Variants in SV2B observed in about 807,000 individuals in gnomAD.
SV2B encodes the protein solute carrier family 22 member B2.
Under a neutral mutation model 73.9 loss-of-function variants are expected in SV2B, and 41 were observed. The ratio of observed to expected loss-of-function variants is 0.56; its 90% CI spans 0.43 to 0.72. SV2B has a LOEUF of 0.72. Among genes scored for constraint, SV2B ranks in the 30% least tolerant of loss-of-function variants. The pLI, the probability that SV2B is intolerant of heterozygous loss-of-function variation, is 0.00. For synonymous variants in SV2B, 314 were observed against 314.2 expected (o/e 1.00, Z 0.01); for missense variants, 764 against 857.8 (o/e 0.89, Z 1.37).
rs1287790827 is a variant in SV2B at position 91,220,618 on chromosome 15, G to A, written c.-391-5255G>A. The stretch of plus-strand genomic sequence containing the variant: ...ATTTTGAGTCATATAGCATAGATGC[G>A]GAGGCTAATAGAATGTAAAAGTTAA... On this transcript the variant is annotated intron_variant, in intron 1 of 12. Coordinates refer to ENST00000394232, the MANE Select transcript of SV2B (RefSeq NM_001323032.3). This position sits in a 1 kb window ranked among gnomAD's most constrained non-coding sequence, Gnocchi z 4.1. 6.6e-6 allele frequency among the ~76,000 whole-genome samples: 1 copy of A among 152,194 alleles called. No homozygotes were observed. Among genetic ancestry groups the A allele is most frequent in the Non-Finnish European group, 1.5e-5 (1 of 68,032 alleles).
intron 1 of SV2B, among the ~76,000 whole-genome samples, chr15:91,213,107 C>G (rs1320785497): frequency 6.6e-6 from 1 of 151,902 alleles, no homozygotes; most frequent in Admixed American, 6.6e-5. Flanking sequence ...GAACTGAGAT[C>G]GTGCCACTGC....
rs1006169256 is a variant in SV2B at position 91,129,065 on chromosome 15, G to T, written c.-392+28702G>T. 6.6e-6 allele frequency among the ~76,000 whole-genome samples: 1 copy of T among 152,202 alleles called. No individual in the cohort carries two copies. Among genetic ancestry groups the T allele is most frequent in the African/African-American group, 2.4e-5 (1 of 41,448 alleles). ...ACTTCAGAGGGCCAGGGAGCCCTTG[G>T]CCCCTACATGGCCACATGTAAGTCT... On this transcript the variant is annotated intron_variant, in intron 1 of 12. Coordinates refer to ENST00000394232, the MANE Select transcript of SV2B (RefSeq NM_001323032.3). The surrounding 1 kb of genome is among the most constrained non-coding windows in gnomAD (Gnocchi z 5.1).
chr15:91,221,693 G>GCGCGCGCGCGCACACACACACA lies in SV2B; in HGVS notation c.-391-4179_-391-4178insGCGCGCGCGCACACACACACAC, dbSNP rs370290337. The stretch of plus-strand genomic sequence containing the variant: ...CTGTGGACTATTACCAAGCATGTGC[G>GCGCGCGCGCGCACACACACACA]CACACACACACACACACACACACAC... On this transcript the variant is annotated intron_variant, in intron 1 of 12. Coordinates refer to ENST00000394232, the MANE Select transcript of SV2B (RefSeq NM_001323032.3). Among the ~76,000 whole-genome samples the GCGCGCGCGCGCACACACACACA allele has an allele frequency of 3.7e-3, 523 of 140,152 alleles. 4 individuals carry two copies. Among genetic ancestry groups the GCGCGCGCGCGCACACACACACA allele is most frequent in the African/African-American group, 0.014 (494 of 35,810 alleles). The allele number at this position is 140,152 out of a possible 152,430, so 91.9% of individuals were successfully genotyped here.
At chr15:91,228,269 A>G (rs2046449543) in intron 2 of SV2B, among the ~76,000 whole-genome samples, 1 of 152,190 alleles carries the variant, frequency 6.6e-6, no homozygotes, top group Non-Finnish European at 1.5e-5. Flanking sequence ...GGGCTTGAGA[A>G]GCAAAGATAT....
chr15:91,127,037 A>T (rs1014692131), intron 1 of SV2B, among the ~76,000 whole-genome samples: 1 of 152,230 alleles, frequency 6.6e-6, no homozygotes, highest in African/African-American at 2.4e-5. Flanking sequence ...TGATAGCTCC[A>T]TCAATCACTA....
chr15:91,143,437 G>A (rs2043055538), intron 1 of SV2B, among the ~76,000 whole-genome samples: 1 of 152,068 alleles, frequency 6.6e-6, no homozygotes, highest in African/African-American at 2.4e-5. Context: ...TGCGGCGGCA[G>A]CATTTACCCT....
intron 1 of SV2B, among the ~76,000 whole-genome samples, chr15:91,176,057 A>G (rs2044295491): frequency 6.9e-6 from 1 of 144,738 alleles, no homozygotes. Flanking sequence ...ACCCCACAAC[A>G]GTCCCCAGAG....
intron 1 of SV2B, among the ~76,000 whole-genome samples, chr15:91,108,732 A>G (rs557057223): frequency 1.3e-5 from 2 of 152,318 alleles, no homozygotes; most frequent in East Asian, 3.9e-4. Flanking sequence ...ATCAAGAATC[A>G]TATACTCAGC....
In SV2B at chr15:91,118,591, G is replaced by C. The variant is rs1338618968; in HGVS notation, c.-392+18228G>C. 6.6e-6 allele frequency among the ~76,000 whole-genome samples: 1 copy of C among 152,184 alleles called. No individual in the cohort carries two copies. The highest frequency in any genetic ancestry group is 1.5e-5 in the Non-Finnish European group (1 of 68,026). On this transcript the variant is annotated intron_variant, in intron 1 of 12. Coordinates refer to ENST00000394232, the MANE Select transcript of SV2B (RefSeq NM_001323032.3). The surrounding 1 kb of genome is among the most constrained non-coding windows in gnomAD (Gnocchi z 4.7). ...GCCTGGAGAAGAGGCTGGGTGTGTG[G>C]ACAGCTGGAGGGTCTGAAGCGGGAC...
At position 91,262,283 on chromosome 15, in the gene SV2B, C is replaced by T. The variant is rs139470098; in HGVS notation, c.1008+1874C>T. Among the ~76,000 whole-genome samples, 42 of 152,158 alleles carry T rather than the reference C, an allele frequency of 2.8e-4. No individual in the cohort carries two copies. The East Asian group carries it at 5.8e-3, about 21-fold the overall frequency. ...CAAAAACAAAAACAAAAACAAAAAC[C>T]GGTGCCTGGCTTGGAGTAAGTGCTA... is the stretch of plus-strand genomic sequence containing the variant. On this transcript the variant is annotated intron_variant, in intron 6 of 12. Coordinates refer to ENST00000394232, the MANE Select transcript of SV2B (RefSeq NM_001323032.3).
Position 91,214,777 on chromosome 15 carries a change from C to G in SV2B, c.-391-11096C>G, listed in dbSNP as rs2045970154. On this transcript the variant is annotated intron_variant, in intron 1 of 12. Transcript: ENST00000394232. This position sits in a 1 kb window ranked among gnomAD's most constrained non-coding sequence, Gnocchi z 4.7. ...CTCACTTATTTAAGTGTTCCCCAAA[C>G]AGTTGTGGGGGGTGTGCTTGACTCC... Among the ~76,000 whole-genome samples, 1 of 152,210 alleles carries G rather than the reference C, an allele frequency of 6.6e-6. No homozygotes were observed. Among genetic ancestry groups the G allele is most frequent in the African/African-American group, 2.4e-5 (1 of 41,462 alleles).
At chr15:91,210,661 G>A (rs2141423112) in intron 1 of SV2B, among the ~76,000 whole-genome samples, 1 of 152,220 alleles carries the variant, frequency 6.6e-6, no homozygotes, top group African/African-American at 2.4e-5. Context: ...TATCCACAAA[G>A]TTTCTTGAGT....
chr15:91,194,107 G>C (rs553866731), intron 1 of SV2B, among the ~76,000 whole-genome samples: 1 of 152,072 alleles, frequency 6.6e-6, no homozygotes, highest in South Asian at 2.1e-4. Flanking sequence ...CATCAGCTGG[G>C]ATCAGTCAAG....
At chr15:91,238,536 A>G (rs1475611953) in intron 2 of SV2B, among the ~76,000 whole-genome samples, 1 of 152,230 alleles carries the variant, frequency 6.6e-6, no homozygotes, top group African/African-American at 2.4e-5. Context: ...AACAACTTCT[A>G]TGCAAAATGC....
chr15:91,228,044 C>G (rs921636906), intron 2 of SV2B, among the ~76,000 whole-genome samples: 1 of 152,142 alleles, frequency 6.6e-6, no homozygotes, highest in Non-Finnish European at 1.5e-5. Context: ...ATTTAGCCTG[C>G]GGGCTGCAGT....
At position 91,294,349 on chromosome 15, in the gene SV2B, A is replaced by G. The variant is rs2049147574; in HGVS notation, c.*1797A>G. The G allele has an allele frequency of 6.6e-6, 1 of 151,818 alleles. No homozygotes were observed. Among genetic ancestry groups the G allele is most frequent in the Admixed American group, 6.6e-5 (1 of 15,246 alleles). 9.4% of individuals were successfully genotyped at this position (151,818 alleles called of 1,614,324 possible). A position where few individuals can be genotyped will look rare whatever the true frequency, so the allele number is the denominator to read the frequency against. ...ATCAGTTTTAATGGTTAAAATGTTT[A>G]CTCTCCTTCTGTCAACCCTCACCTT... On this transcript the variant is annotated 3_prime_UTR_variant, in exon 13 of 13. Coordinates refer to ENST00000394232, the MANE Select transcript of SV2B (RefSeq NM_001323032.3). The surrounding 1 kb of genome is among the most constrained non-coding windows in gnomAD (Gnocchi z 4.1).
intron 1 of SV2B, among the ~76,000 whole-genome samples, chr15:91,171,886 C>A (rs2044134331): frequency 1.3e-5 from 2 of 152,142 alleles, no homozygotes; most frequent in African/African-American, 4.8e-5. Flanking sequence ...CATCTCCCAC[C>A]CCTCCTTTAT....
chr15:91,193,670 T>C (rs541573174), intron 1 of SV2B, among the ~76,000 whole-genome samples: 24 of 152,236 alleles, frequency 1.6e-4, no homozygotes, highest in Non-Finnish European at 3.4e-4. Context: ...CAAAGTTGTC[T>C]CATATTCTCA....
chr15:91,205,898 A>C (rs2045618793), intron 1 of SV2B, among the ~76,000 whole-genome samples: 1 of 152,216 alleles, frequency 6.6e-6, no homozygotes, highest in South Asian at 2.1e-4. Flanking sequence ...CTGGAGGAGA[A>C]AAACAGCTGT....
Sources: allele counts gnomAD v4.1 joint callset (sites outside exome capture counted in the v4.1 genomes callset), GRCh38; gene constraint gnomAD v4.1.1; non-coding constraint Gnocchi (gnomAD v3.1); transcripts MANE v1.5; gene names NCBI Gene and HGNC (gene_info 2026-07-23, HGNC 2026-07-21).